The following SCP2 variants were observed in gnomAD, a reference collection of about 807,000 sequenced individuals.
The protein encoded by SCP2 is sterol carrier protein 2, also known as SCP-2/3-oxoacyl-CoA thiolase.
In SCP2, 48 loss-of-function variants were observed where a neutral mutation model predicts 71.4. The ratio of observed to expected loss-of-function variants is 0.67; its 90% CI spans 0.53 to 0.86. SCP2 has a LOEUF of 0.86. SCP2 is among the 40% of genes least tolerant of loss of function. SCP2 has a pLI of 0.00. For missense variants in SCP2, 560 were observed against 655.6 expected, an observed-to-expected ratio of 0.85 and a Z score of 1.59; for synonymous variants, 220 against 218.1, an observed-to-expected ratio of 1.01 and a Z score of -0.08.
intron 1 of SCP2, among the ~76,000 whole-genome samples, chr1:52,933,113 A>G (rs915070510): frequency 1.3e-5 from 2 of 152,238 alleles, no homozygotes; most frequent in Non-Finnish European, 2.9e-5. Context: ...GAAATTGCTT[A>G]TTCCCCATGG....
At chr1:53,022,282 C>T (rs1328366522) in intron 12 of SCP2, among the ~76,000 whole-genome samples, 1 of 152,138 alleles carries the variant, frequency 6.6e-6, no homozygotes, top group African/African-American at 2.4e-5. Flanking sequence ...CAAGATTCAT[C>T]CATGTTGTGG....
chr1:53,035,403 A>G (rs1463349854), intron 13 of SCP2, among the ~76,000 whole-genome samples: 1 of 152,164 alleles, frequency 6.6e-6, no homozygotes, highest in Non-Finnish European at 1.5e-5. Context: ...CAAAAAAAAG[A>G]CAACATTTTC....
intron 3 of SCP2, 28 bp from the exon 4 acceptor site, chr1:52,950,727 A>G: frequency 6.2e-7 from 1 of 1,600,164 alleles, no homozygotes; most frequent in Non-Finnish European, 8.6e-7. Context: ...ATAATTCTCC[A>G]TATTAAAATT....
chr1:52,983,868 T>C (rs1658732789), intron 10 of SCP2, among the ~76,000 whole-genome samples: 1 of 152,248 alleles, frequency 6.6e-6, no homozygotes, highest in Non-Finnish European at 1.5e-5. Context: ...CAAACAATTT[T>C]GGATTGTATC....
At chr1:52,927,644 C>A (rs545179708) in intron 1 of SCP2, among the ~76,000 whole-genome samples, 179 bp downstream of exon 1, 1 of 152,186 alleles carries the variant, frequency 6.6e-6, no homozygotes. Context: ...CTGGTTCCTG[C>A]GGCCTTCTGC....
chr1:52,937,527 C>T (rs1653847599), intron 1 of SCP2, among the ~76,000 whole-genome samples: 1 of 152,122 alleles, frequency 6.6e-6, no homozygotes, highest in African/African-American at 2.4e-5. Flanking sequence ...CTGGTTAAAC[C>T]TTAAAAAGGT....
At chr1:53,032,729 G>A (rs933940554) in intron 13 of SCP2, among the ~76,000 whole-genome samples, 1 of 152,222 alleles carries the variant, frequency 6.6e-6, no homozygotes, top group Non-Finnish European at 1.5e-5. Context: ...AAGCCTGAGA[G>A]TGTCAGATGG....
At chr1:52,986,628 A>C (rs1359254283) in intron 10 of SCP2, among the ~76,000 whole-genome samples, 1 of 152,214 alleles carries the variant, frequency 6.6e-6, no homozygotes, top group Non-Finnish European at 1.5e-5. Flanking sequence ...CTGAGTATTA[A>C]TCCTAGATCT....
intron 1 of SCP2, among the ~76,000 whole-genome samples, chr1:52,930,064 A>T (rs1014138967): frequency 1.3e-5 from 2 of 152,188 alleles, no homozygotes; most frequent in Non-Finnish European, 2.9e-5. Context: ...GCTAAGTCCC[A>T]TACCTTCTTA....
At position 52,999,815 on chromosome 1, in the gene SCP2, G is replaced by GTTTTTTTT. The variant is rs60893788; in HGVS notation, c.1081+11691_1081+11698dup. ...ACTATCCAACACTTACTGAACACTT[G>GTTTTTTTT]TTTTTTTTTTTTTTTTTTTGAGACA... On this transcript the variant is annotated intron_variant, in intron 11 of 15. Coordinates refer to ENST00000371514, the MANE Select transcript of SCP2 (RefSeq NM_002979.5). Among the ~76,000 whole-genome samples, 20 of 109,386 alleles carry GTTTTTTTT rather than the reference G, an allele frequency of 1.8e-4. 1 individual carries two copies. The highest frequency in any genetic ancestry group is 6.0e-4 in the South Asian group (2 of 3,324). The allele number at this position is 109,386 out of a possible 152,430, so 71.8% of individuals were successfully genotyped here. A position where few individuals can be genotyped will look rare whatever the true frequency, so the allele number is the denominator to read the frequency against.
chr1:52,960,975 C>T (rs548274634), intron 5 of SCP2, among the ~76,000 whole-genome samples: 50 of 151,516 alleles, frequency 3.3e-4, no homozygotes, highest in Non-Finnish European at 6.2e-4. Flanking sequence ...TGGTCTTGAA[C>T]TCCTGAGCTC....
At chr1:52,976,381 G>A (rs917889975) in intron 7 of SCP2, among the ~76,000 whole-genome samples, 2 of 152,028 alleles carry the variant, frequency 1.3e-5, no homozygotes, top group African/African-American at 4.8e-5. Context: ...AGATAACAAG[G>A]CCCACCATAA....
At chr1:52,993,614 A>T (rs1482465201) in intron 11 of SCP2, 2 of 1,612,236 alleles carry the variant, frequency 1.2e-6, no homozygotes, top group Non-Finnish European at 1.7e-6. Flanking sequence ...TGTATCCAAA[A>T]TATCTAGCCG....
rs560945293 is a variant in SCP2 at position 52,998,003 on chromosome 1, T to G, written c.1081+9867T>G. ...CATATAAATGGAATCATACAGCACA[T>G]GTATGTATTCTTTTGTGTTTGGCTT... is the stretch of plus-strand genomic sequence containing the variant. On this transcript the variant is annotated intron_variant, in intron 11 of 15. Coordinates refer to ENST00000371514, the MANE Select transcript of SCP2 (RefSeq NM_002979.5). Among the ~76,000 whole-genome samples the G allele has an allele frequency of 5.3e-5, 8 of 152,372 alleles. No homozygotes were observed. The South Asian group carries it at 1.4e-3, about 28-fold the overall frequency.
intron 11 of SCP2, among the ~76,000 whole-genome samples, chr1:53,008,750 A>G (rs192662406): frequency 3.2e-4 from 48 of 152,334 alleles, no homozygotes; most frequent in Non-Finnish European, 5.9e-4. Context: ...CACCACTCCT[A>G]TTCAACATAG....
At chr1:52,993,808 A>G in intron 11 of SCP2, 1 of 1,533,034 alleles carries the variant, frequency 6.5e-7, no homozygotes, top group South Asian at 1.2e-5. Flanking sequence ...GGTAATCAAT[A>G]TCCTGAATTT....
rs1279550018 is a variant in SCP2, at chr1:52,978,271, G to A, written c.729G>A (p.Gln243=). 2 of 1,614,062 alleles carry A rather than the reference G, an allele frequency of 1.2e-6. No homozygotes were observed. Among genetic ancestry groups the A allele is most frequent in the African/African-American group, 1.3e-5 (1 of 75,042 alleles). ...TTTTGGCCAGTGAAGCATTTGTACA[G>A]AAGTATGGCCTGCAATCCAAAGCTG... The part of the protein sequence containing the change: ...AAILASEAFV[Q]KYGLQSKAVE... Residue 243 remains glutamine (Q), a synonymous_variant, in exon 9 of 16, where the codon CAG becomes CAA. Transcript: ENST00000371514.
In SCP2 at chr1:53,034,933, G is replaced by A. The variant is rs181329106; in HGVS notation, c.1339-3984G>A. 3.1e-3 allele frequency among the ~76,000 whole-genome samples: 472 copies of A among 152,084 alleles called. 2 individuals are homozygous for A. The highest frequency in any genetic ancestry group is 9.8e-3 in the African/African-American group (405 of 41,474). ...ATCTTGGCTAACACGGTGAAACCCC[G>A]TCTCTACTAAAAATACAAAAAATTA... On this transcript the variant is annotated intron_variant, in intron 13 of 15. Transcript: ENST00000371514.
intron 11 of SCP2, 135 bp downstream of exon 11, chr1:52,988,271 A>G (rs1056485913): frequency 1.5e-6 from 1 of 652,044 alleles, no homozygotes; most frequent in Non-Finnish European, 2.8e-6. Flanking sequence ...GTTTAGCTTC[A>G]ATATTTTTGA....
Sources: allele counts gnomAD v4.1 joint callset (sites outside exome capture counted in the v4.1 genomes callset), GRCh38; gene constraint gnomAD v4.1.1; transcripts MANE v1.5; gene names NCBI Gene and HGNC (gene_info 2026-07-23, HGNC 2026-07-21).